The following TICRR variants were observed in gnomAD, a reference collection of about 807,000 sequenced individuals.
The protein encoded by TICRR is treslin.
In TICRR, 132 loss-of-function variants were observed where a neutral mutation model predicts 178.1. The observed-to-expected ratio is 0.74, with a 90% CI of 0.64 to 0.86. The LOEUF is 0.86. TICRR is among the 40% of genes least tolerant of loss of function. The probability of loss-of-function intolerance (pLI) is 0.00; values close to 1 mark genes in which losing one functional copy is unlikely to be tolerated. For missense variants in TICRR, 2,587 were observed against 2,334.3 expected, an observed-to-expected ratio of 1.11 and a Z score of -2.23; for synonymous variants, 991 against 900.7, an observed-to-expected ratio of 1.10 and a Z score of -1.79.
intron 19 of TICRR, among the ~76,000 whole-genome samples, chr15:89,623,307 A>C (rs1963455620): frequency 6.6e-6 from 1 of 152,262 alleles, no homozygotes; most frequent in African/African-American, 2.4e-5. Context: ...GAAAAGAAGG[A>C]AGAGCTAGAG....
chr15:89,621,522 T>G lies in TICRR; in HGVS notation c.3284T>G (p.Leu1095Trp). ...ARMKKRSRNT[L>W]DSEVPAAYQT... ...ATGAAAAAGCGTTCAAGAAACACTT[T>G]GGATTCGGAGGTACCTGCAGCTTAC... is the stretch of plus-strand genomic sequence containing the variant. The change falls in exon 19 of 22, where the codon TTG becomes TGG. Residue 1095 changes from leucine (L) to tryptophan (W), a missense_variant. By Grantham distance (61) the Leu-to-Trp change is moderately conservative. Coordinates refer to ENST00000268138, the MANE Select transcript of TICRR (RefSeq NM_152259.4). 6.2e-7 allele frequency: 1 copy of G among 1,613,648 alleles called. No individual in the cohort carries two copies. The highest frequency in any genetic ancestry group is 8.5e-7 in the Non-Finnish European group (1 of 1,179,890).
intron 14 of TICRR, among the ~76,000 whole-genome samples, chr15:89,607,329 C>T (rs1019386594): frequency 2.0e-5 from 3 of 152,124 alleles, no homozygotes; most frequent in African/African-American, 7.2e-5. Flanking sequence ...TTAGGAGATA[C>T]ATGCTGACCT....
chr15:89,595,546 C>G lies in TICRR; in HGVS notation c.1835C>G (p.Pro612Arg). Residue 612 changes from proline (P) to arginine (R), a missense_variant, in exon 7 of 22, where the codon CCT becomes CGT. Coordinates refer to ENST00000268138, the MANE Select transcript of TICRR (RefSeq NM_152259.4). ...VAGEKGIQKIPSGRTVDKLED... is the reference protein window; with the variant it reads ...VAGEKGIQKIRSGRTVDKLED... ...GGGGAGAAAGGAATCCAAAAGATAC[C>G]TAGTGGGAGAACAGTGGATAAATTG... 1 of 1,614,140 alleles carries G rather than the reference C, an allele frequency of 6.2e-7. No homozygotes were observed. Among genetic ancestry groups the G allele is most frequent in the South Asian group, 1.1e-5 (1 of 91,076 alleles).
chr15:89,579,440 G>A (rs925797537), intron 1 of TICRR, among the ~76,000 whole-genome samples: 3 of 152,072 alleles, frequency 2.0e-5, no homozygotes, highest in African/African-American at 7.2e-5. Flanking sequence ...CCGCCTCCTG[G>A]GTTCAAGTGA....
intron 15 of TICRR, 151 bp downstream of exon 15, chr15:89,609,100 CTTTTTTTTTTTTTT>C (rs59398617): frequency 2.6e-4 from 22 of 84,884 alleles, no homozygotes; most frequent in Middle Eastern, 0.013. Context: ...TTTTGTTAAT[CTTTTTTTTTTTTTT>C]TTTTTTTTTT....
chr15:89,624,878 G>C lies in TICRR; in HGVS notation c.4568G>C (p.Arg1523Pro), dbSNP rs149974689. The stretch of plus-strand genomic sequence containing the variant: ...CCTGGCTCTCCTCTGATGCCTTCCC[G>C]TGACGTGCACTGTACCACAGATGGG... ...CGPGSPLMPS[R>P]DVHCTTDGRQ... Residue 1523 changes from arginine to proline, a missense_variant, in exon 20 of 22, where the codon CGT (arginine) becomes CCT (proline). By Grantham distance (103) the Arg-to-Pro change is moderately radical (BLOSUM62 -2). Coordinates refer to ENST00000268138, the MANE Select transcript of TICRR (RefSeq NM_152259.4). 6.2e-7 allele frequency: 1 copy of C among 1,614,086 alleles called. No homozygotes were observed. The highest frequency in any genetic ancestry group is 1.1e-5 in the South Asian group (1 of 91,080).
At position 89,582,925 on chromosome 15, in the gene TICRR, G is replaced by A. The variant is rs201358171; in HGVS notation, c.894G>A (p.Ser298=). 422 of 1,613,514 alleles carry A rather than the reference G, an allele frequency of 2.6e-4. 1 individual carries two copies. The highest frequency in any genetic ancestry group is 3.3e-4 in the Middle Eastern group (2 of 6,050). The change falls in exon 2 of 22, where the codon TCG becomes TCA. Residue 298 remains serine, a synonymous_variant. Coordinates refer to ENST00000268138, the MANE Select transcript of TICRR (RefSeq NM_152259.4). ...LLYNSPEYEA[S]FPRMEGMLFL... ...ACAATTCTCCTGAGTATGAGGCCTC[G>A]TTTCCACGAATGGAAGGAATGTTAT...
Position 89,595,581 on chromosome 15 carries a change from G to A in TICRR, c.1870G>A (p.Gly624Arg). Residue 624 changes from glycine (G) to arginine (R), a missense_variant, in exon 7 of 22, where the codon GGA becomes AGA. Gly to Arg is a moderately radical substitution (Grantham distance 125, BLOSUM62 -2). Transcript: ENST00000268138. ...AACAGTGGATAAATTGGAAGACAGAGGAAGAACACTAAGAAGTTCTAAACC... is the reference window on the plus strand; with the variant it reads ...AACAGTGGATAAATTGGAAGACAGAAGAAGAACACTAAGAAGTTCTAAACC... ...GRTVDKLEDR[G>R]RTLRSSKPKD... The A allele has an allele frequency of 6.2e-7, 1 of 1,614,004 alleles. No individual in the cohort carries two copies. Among genetic ancestry groups the A allele is most frequent in the Non-Finnish European group, 8.5e-7 (1 of 1,179,952 alleles).
intron 14 of TICRR, among the ~76,000 whole-genome samples, chr15:89,608,085 G>C (rs1372245): frequency 0.83 from 126,395 of 152,126 alleles, 53,180 homozygotes; most frequent in Non-Finnish European, 0.91. Context: ...TTAAAAGGAC[G>C]ATGACCTATG....
In TICRR at chr15:89,585,997, A is replaced by G. The variant is rs1423500959; in HGVS notation, c.1411+55A>G. 4.4e-6 allele frequency: 6 copies of G among 1,362,190 alleles called. No homozygotes were observed. The East Asian group carries it at 1.4e-4, about 31-fold the overall frequency. 84.4% of individuals were successfully genotyped at this position (1,362,190 alleles called of 1,614,324 possible). The stretch of plus-strand genomic sequence containing the variant: ...TCTAGGGTGGTTTGCAGTCTTTTCA[A>G]GCATCGGGACTTTTTCACTGTGCAG... On this transcript the variant is annotated intron_variant, in intron 4 of 21. Transcript: ENST00000268138.
chr15:89,584,536 C>A lies in TICRR; in HGVS notation c.1176+9C>A, dbSNP rs941839806. The A allele has an allele frequency of 1.3e-6, 2 of 1,535,830 alleles. No homozygotes were observed. Among genetic ancestry groups the A allele is most frequent in the Non-Finnish European group, 1.8e-6 (2 of 1,141,578 alleles). ...CTGAAGAGTTACACCTGGTAGGTAT[C>A]CTCCACACGGGAAGTTATTCTTGTC... On this transcript the variant is annotated intron_variant, in intron 3 of 21. Coordinates refer to ENST00000268138, the MANE Select transcript of TICRR (RefSeq NM_152259.4).
intron 8 of TICRR, among the ~76,000 whole-genome samples, chr15:89,599,961 C>T (rs1963066417): frequency 6.6e-6 from 1 of 152,112 alleles, no homozygotes; most frequent in South Asian, 2.1e-4. Flanking sequence ...CAAAAATCAG[C>T]TGGATGTGGT....
intron 15 of TICRR, among the ~76,000 whole-genome samples, chr15:89,610,961 A>T (rs78663528): frequency 0.01 from 1,540 of 151,776 alleles, 33 homozygotes; most frequent in African/African-American, 0.036. Flanking sequence ...CTCTGCTACT[A>T]TGTATTTCTG....
chr15:89,585,090 T>C (rs1161782469), intron 3 of TICRR, among the ~76,000 whole-genome samples: 1 of 152,226 alleles, frequency 6.6e-6, no homozygotes, highest in African/African-American at 2.4e-5. Context: ...ACTTTGTCTT[T>C]TGCCTTCATA....
rs753914014 is a variant in TICRR, at chr15:89,623,931, G to C, written c.3621G>C (p.Leu1207Phe). 6.2e-7 allele frequency: 1 copy of C among 1,613,960 alleles called. No individual in the cohort carries two copies. The highest frequency in any genetic ancestry group is 8.5e-7 in the Non-Finnish European group (1 of 1,180,010). Reference sequence around the variant, plus strand: ...AAGGTACTCAGCCGCCTGGGTTTTTGCCAAACTGTACTTGGCCACATTCAG... The same window carrying C: ...AAGGTACTCAGCCGCCTGGGTTTTTCCCAAACTGTACTTGGCCACATTCAG... Reference protein sequence around the residue: ...KRQGTQPPGFLPNCTWPHSVN... With the variant: ...KRQGTQPPGFFPNCTWPHSVN... The change falls in exon 20 of 22, where the codon TTG becomes TTC. Residue 1207 changes from leucine (L) to phenylalanine (F), a missense_variant. Physicochemically the swap from Leu to Phe is conservative, Grantham distance 22. Coordinates refer to ENST00000268138, the MANE Select transcript of TICRR (RefSeq NM_152259.4).
chr15:89,576,534 T>C (rs558733809), intron 1 of TICRR, among the ~76,000 whole-genome samples: 1 of 152,154 alleles, frequency 6.6e-6, no homozygotes, highest in Non-Finnish European at 1.5e-5. Context: ...AATCAACAGG[T>C]CTGGACTGCT....
chr15:89,617,689 CTT>C (rs35732953), intron 16 of TICRR, among the ~76,000 whole-genome samples: 1,210 of 98,728 alleles, frequency 0.012, 6 homozygotes, highest in African/African-American at 0.022. Flanking sequence ...ACCCAGCTAT[CTT>C]TTTTTTTTTT....
chr15:89,580,171 C>G (rs1292185040), intron 1 of TICRR: 1 of 152,298 alleles, frequency 6.6e-6, no homozygotes, highest in Non-Finnish European at 1.5e-5. Context: ...GCACCCACCA[C>G]CACACCCAGC....
intron 1 of TICRR, among the ~76,000 whole-genome samples, chr15:89,580,426 A>T (rs1255052190): frequency 1.3e-5 from 2 of 152,174 alleles, no homozygotes; most frequent in Admixed American, 6.5e-5. Context: ...TTTTGTGTCC[A>T]TTTGGCAGAA....
Sources: allele counts gnomAD v4.1 joint callset (sites outside exome capture counted in the v4.1 genomes callset), GRCh38; gene constraint gnomAD v4.1.1; transcripts MANE v1.5; gene names NCBI Gene and HGNC (gene_info 2026-07-23, HGNC 2026-07-21).